Variants in RPS6KC1 observed in about 807,000 individuals in gnomAD.
The protein encoded by RPS6KC1 is ribosomal protein S6 kinase C1.
Under a neutral mutation model 103.8 loss-of-function variants are expected in RPS6KC1, and 54 were observed. The ratio of observed to expected loss-of-function variants is 0.52; its 90% CI spans 0.42 to 0.65. RPS6KC1 has a LOEUF of 0.65. Among genes scored for constraint, RPS6KC1 ranks in the 30% least tolerant of loss-of-function variants. The probability of loss-of-function intolerance (pLI) is 0.00; values close to 1 mark genes in which losing one functional copy is unlikely to be tolerated. For synonymous variants in RPS6KC1, 439 were observed against 438.7 expected, an observed-to-expected ratio of 1.00 and a Z score of -0.01; for missense variants, 1,151 against 1,253.8, an observed-to-expected ratio of 0.92 and a Z score of 1.24.
At chr1:213,697,747 C>A in the RPS6KC1 span, among the ~76,000 whole-genome samples, 1 of 152,244 alleles carries the variant, frequency 6.6e-6, no homozygotes, top group South Asian at 2.1e-4. Flanking sequence ...ACAGATGGGG[C>A]CAAGAGAATC....
At chr1:213,530,331 G>A in the RPS6KC1 span, among the ~76,000 whole-genome samples, 2 of 152,256 alleles carry the variant, frequency 1.3e-5, no homozygotes, top group East Asian at 3.9e-4. Context: ...AGTACTTAGG[G>A]CAGTTACTCA....
At chr1:213,781,745 A>G in the RPS6KC1 span, among the ~76,000 whole-genome samples, 1 of 152,154 alleles carries the variant, frequency 6.6e-6, no homozygotes, top group Non-Finnish European at 1.5e-5. Flanking sequence ...AGACAGGCAG[A>G]TGATTTGGTT....
the RPS6KC1 span, among the ~76,000 whole-genome samples, chr1:213,601,123 A>T: frequency 2.0e-5 from 3 of 152,200 alleles, no homozygotes; most frequent in African/African-American, 7.2e-5. Context: ...AAAATTTGAT[A>T]AAACAGGTTG....
chr1:213,753,584 T>G, the RPS6KC1 span, among the ~76,000 whole-genome samples: 1 of 152,246 alleles, frequency 6.6e-6, no homozygotes, highest in South Asian at 2.1e-4. Flanking sequence ...AGTGTCACCT[T>G]CTCTTTGGTT....
intron 6 of RPS6KC1, among the ~76,000 whole-genome samples, chr1:213,161,266 C>G (rs1212145796): frequency 1.3e-5 from 2 of 151,814 alleles, no homozygotes; most frequent in African/African-American, 4.8e-5. Context: ...AGGATTTTCT[C>G]TGTTACTCTG....
chr1:213,344,996 T>C, the RPS6KC1 span, among the ~76,000 whole-genome samples: 1 of 152,222 alleles, frequency 6.6e-6, no homozygotes, highest in Non-Finnish European at 1.5e-5. Context: ...AAAATGCAAA[T>C]TCTTTTGACC....
chr1:213,724,995 G>C, the RPS6KC1 span, among the ~76,000 whole-genome samples: 1 of 152,202 alleles, frequency 6.6e-6, no homozygotes, highest in East Asian at 1.9e-4. Context: ...ACGCTGAGCT[G>C]TCTAGAGAAG....
At chr1:213,694,904 C>G in the RPS6KC1 span, among the ~76,000 whole-genome samples, 3 of 152,146 alleles carry the variant, frequency 2.0e-5, no homozygotes. Context: ...GTTCTGCCTC[C>G]TAAGAAGCTC....
chr1:213,723,762 C>T, the RPS6KC1 span, among the ~76,000 whole-genome samples: 1 of 152,188 alleles, frequency 6.6e-6, no homozygotes. Context: ...TTGCACCAGG[C>T]CCTGCTCAGA....
intron 5 of RPS6KC1, among the ~76,000 whole-genome samples, chr1:213,127,441 T>C (rs576998145): frequency 6.6e-6 from 1 of 152,308 alleles, no homozygotes; most frequent in Non-Finnish European, 1.5e-5. Context: ...AAAATGAGAA[T>C]TATACATAAA....
chr1:213,151,029 G>T (rs2088714047), intron 6 of RPS6KC1, among the ~76,000 whole-genome samples: 1 of 148,400 alleles, frequency 6.7e-6, no homozygotes. Flanking sequence ...CGGGGCAGCT[G>T]GCCGGGCAGA....
intron 8 of RPS6KC1, among the ~76,000 whole-genome samples, chr1:213,223,437 C>T (rs144811677): frequency 1.4e-3 from 219 of 152,264 alleles, no homozygotes; most frequent in African/African-American, 5.0e-3. Context: ...AGCTTAGCTC[C>T]CACTTACGAG....
At chr1:213,233,185 A>G (rs2094144084) in intron 10 of RPS6KC1, among the ~76,000 whole-genome samples, 1 of 152,196 alleles carries the variant, frequency 6.6e-6, no homozygotes, top group South Asian at 2.1e-4. Flanking sequence ...ATTGTGAAGT[A>G]CAGCACAAGA....
intron 12 of RPS6KC1, among the ~76,000 whole-genome samples, chr1:213,258,839 G>A (rs1471557490): frequency 1.3e-5 from 2 of 152,182 alleles, no homozygotes; most frequent in Admixed American, 6.5e-5. Flanking sequence ...AAAGGTGATA[G>A]TGGCTCCCTG....
At chr1:213,578,609 AT>A in the RPS6KC1 span, among the ~76,000 whole-genome samples, 1 of 152,198 alleles carries the variant, frequency 6.6e-6, no homozygotes, top group African/African-American at 2.4e-5. Context: ...GTCAAAGGAG[AT>A]CATTTTGGAA....
At chr1:213,457,624 T>C in the RPS6KC1 span, among the ~76,000 whole-genome samples, 1 of 152,216 alleles carries the variant, frequency 6.6e-6, no homozygotes, top group Non-Finnish European at 1.5e-5. Context: ...TGGTTCAAGT[T>C]AAGTAGAAGC....
chr1:213,501,214 C>T, the RPS6KC1 span, among the ~76,000 whole-genome samples: 9 of 152,062 alleles, frequency 5.9e-5, no homozygotes, highest in South Asian at 8.3e-4. Context: ...TGTATTACAA[C>T]GGTTGAATAA....
the RPS6KC1 span, among the ~76,000 whole-genome samples, chr1:213,705,387 C>G: frequency 3.3e-5 from 5 of 152,370 alleles, no homozygotes; most frequent in South Asian, 4.1e-4. Flanking sequence ...AGGATCCCCA[C>G]TCTGTGGCCA....
intron 8 of RPS6KC1, among the ~76,000 whole-genome samples, chr1:213,185,556 G>T (rs2092484267): frequency 6.6e-6 from 1 of 152,116 alleles, no homozygotes; most frequent in South Asian, 2.1e-4. Flanking sequence ...GCCGAGGCAG[G>T]AGAGTCACTT....
Sources: gnomAD v4.1 joint callset for allele counts (sites outside exome capture counted in the v4.1 genomes callset) on GRCh38, gnomAD v4.1.1 for gene constraint, MANE v1.5 for transcripts, NCBI Gene and HGNC (gene_info 2026-07-23, HGNC 2026-07-21) for gene names.